MAGI1: variants seen among roughly 807,000 people sequenced by gnomAD.
MAGI1 encodes the protein membrane-associated guanylate kinase, WW and PDZ domain-containing protein 1.
In MAGI1, 58 loss-of-function variants were observed where a neutral mutation model predicts 139.9. That is an observed-to-expected ratio of 0.41 (90% CI 0.34 to 0.52). The LOEUF is 0.52. Among genes scored for constraint, MAGI1 ranks in the 20% least tolerant of loss-of-function variants. MAGI1 has a pLI of 0.12. For missense variants in MAGI1, 1,874 were observed against 1,901.6 expected, an observed-to-expected ratio of 0.99 and a Z score of 0.27; for synonymous variants, 812 against 737.9, an observed-to-expected ratio of 1.10 and a Z score of -1.63.
chr3:65,691,246 T>A (rs1371349653), intron 1 of MAGI1, among the ~76,000 whole-genome samples: 1 of 143,760 alleles, frequency 7.0e-6, no homozygotes, highest in African/African-American at 2.6e-5. Flanking sequence ...GAGGTTGCAG[T>A]GAGCCGAGAT....
chr3:65,399,589 T>C (rs539813429), intron 13 of MAGI1, among the ~76,000 whole-genome samples: 1 of 152,304 alleles, frequency 6.6e-6, no homozygotes, highest in South Asian at 2.1e-4. Flanking sequence ...ATCACTCTCT[T>C]AGCTTGTGGT....
intron 1 of MAGI1, among the ~76,000 whole-genome samples, chr3:65,723,953 AC>A (rs1245563330): frequency 7.2e-4 from 110 of 152,320 alleles, no homozygotes; most frequent in African/African-American, 2.5e-3. Flanking sequence ...TACTAGGTGT[AC>A]CTGTGAACAC....
At chr3:65,826,934 T>C (rs1231990222) in intron 1 of MAGI1, among the ~76,000 whole-genome samples, 2 of 152,206 alleles carry the variant, frequency 1.3e-5, no homozygotes, top group Admixed American at 1.3e-4. Context: ...CTCTCAGCAA[T>C]GTTCTTCAGT....
At chr3:65,986,452 G>A (rs1309603314) in intron 1 of MAGI1, among the ~76,000 whole-genome samples, 2 of 152,214 alleles carry the variant, frequency 1.3e-5, no homozygotes, top group East Asian at 1.9e-4. Flanking sequence ...ACAGAAGTAT[G>A]TAATTAAGAT....
chr3:65,447,379 T>G (rs1948741376), intron 7 of MAGI1, among the ~76,000 whole-genome samples: 1 of 152,192 alleles, frequency 6.6e-6, no homozygotes, highest in African/African-American at 2.4e-5. Flanking sequence ...CAACAATAAC[T>G]AGAGTAGTCA....
intron 1 of MAGI1, among the ~76,000 whole-genome samples, chr3:65,823,713 C>A (rs1469755154): frequency 6.6e-6 from 1 of 152,156 alleles, no homozygotes; most frequent in East Asian, 1.9e-4. Flanking sequence ...AAAATCCTAC[C>A]CAAAGCAATC....
At chr3:65,635,559 C>T (rs1463024201) in intron 1 of MAGI1, among the ~76,000 whole-genome samples, 1 of 152,188 alleles carries the variant, frequency 6.6e-6, no homozygotes, top group African/African-American at 2.4e-5. Flanking sequence ...AGAGAACACT[C>T]AGCCAAGGCA....
At chr3:65,395,819 A>G (rs906558496) in intron 13 of MAGI1, among the ~76,000 whole-genome samples, 3 of 151,766 alleles carry the variant, frequency 2.0e-5, no homozygotes, top group Admixed American at 6.6e-5. Context: ...GAATCCATTA[A>G]TGAATTTCAA....
chr3:65,481,583 A>T (rs1338079976), intron 3 of MAGI1, among the ~76,000 whole-genome samples: 1 of 152,236 alleles, frequency 6.6e-6, no homozygotes, highest in Non-Finnish European at 1.5e-5. Flanking sequence ...ATTAAGGCCA[A>T]TGTCTATAAA....
intron 1 of MAGI1, among the ~76,000 whole-genome samples, chr3:65,848,712 C>CCAGTTTGAGCCCAGTCACCTGCAGG (rs1312609677): frequency 6.6e-6 from 1 of 152,040 alleles, no homozygotes; most frequent in East Asian, 1.9e-4. Context: ...CCAGATAGGC[C>CCAGTTTGAGCCCAGTCACCTGCAGG]TGAGTTTGAG....
At chr3:65,548,885 A>C (rs1422666307) in intron 2 of MAGI1, among the ~76,000 whole-genome samples, 1 of 152,174 alleles carries the variant, frequency 6.6e-6, no homozygotes, top group Non-Finnish European at 1.5e-5. Context: ...CCAACAGTTC[A>C]TTAAGTGGCA....
rs546162178 is a variant in MAGI1 at position 65,387,483 on chromosome 3, T to C, written c.2416+3659A>G. On this transcript the variant is annotated intron_variant, in intron 14 of 22. Coordinates refer to ENST00000402939, the MANE Select transcript of MAGI1 (RefSeq NM_001033057.2). Reference sequence around the variant, plus strand: ...TAACTCCTATTACTATCTTAAACTCTCCTTATTTAATGACATTCTAAAGTA... The same window carrying C: ...TAACTCCTATTACTATCTTAAACTCCCCTTATTTAATGACATTCTAAAGTA... 5.3e-5 allele frequency among the ~76,000 whole-genome samples: 8 copies of C among 152,226 alleles called. 1 individual carries two copies. In the South Asian group the frequency reaches 1.7e-3, roughly 32 times the overall value.
chr3:65,840,446 C>G (rs978231725), intron 1 of MAGI1, among the ~76,000 whole-genome samples: 1 of 152,158 alleles, frequency 6.6e-6, no homozygotes, highest in African/African-American at 2.4e-5. Context: ...TCTATTCATA[C>G]TTTCCTGAGA....
At chr3:65,835,353 T>A (rs1400176390) in intron 1 of MAGI1, among the ~76,000 whole-genome samples, 1 of 152,212 alleles carries the variant, frequency 6.6e-6, no homozygotes, top group East Asian at 1.9e-4. Context: ...CGTTAAAAAA[T>A]TCATTATTTC....
Position 65,353,633 on chromosome 3 carries a change from C to A in MAGI1, c.*2745G>T, listed in dbSNP as rs982327729. On this transcript the variant is annotated 3_prime_UTR_variant, in exon 23 of 23. Transcript: ENST00000402939. Reference sequence around the variant, plus strand: ...ACAATTAGGGTGTTGAGTCCTCCCCCCCAACATTCTTTCAGGCATCAACTG... The same window carrying A: ...ACAATTAGGGTGTTGAGTCCTCCCCACCAACATTCTTTCAGGCATCAACTG... The A allele has an allele frequency of 6.6e-6, 1 of 152,154 alleles. No individual in the cohort carries two copies. Among genetic ancestry groups the A allele is most frequent in the Non-Finnish European group, 1.5e-5 (1 of 68,042 alleles). The allele number at this position is 152,154 out of a possible 1,614,324, so 9.4% of individuals were successfully genotyped here.
At chr3:65,771,529 C>A (rs2037953960) in intron 1 of MAGI1, among the ~76,000 whole-genome samples, 1 of 152,102 alleles carries the variant, frequency 6.6e-6, no homozygotes, top group Non-Finnish European at 1.5e-5. Flanking sequence ...AAAAGCACAA[C>A]CACAGTTTAC....
rs573364401 is a variant in MAGI1 at position 65,421,740 on chromosome 3, G to A, written c.2167+7780C>T. On this transcript the variant is annotated intron_variant, in intron 12 of 22. Transcript: ENST00000402939. ...TGCTTCCCAGCCAGGTGGAGGTCCT[G>A]TAACCCGCTTATAAACTTGATGACA... is the stretch of plus-strand genomic sequence containing the variant. Among the ~76,000 whole-genome samples the A allele has an allele frequency of 3.3e-5, 5 of 152,270 alleles. No individual in the cohort carries two copies. The East Asian group carries it at 7.7e-4, about 24-fold the overall frequency.
chr3:65,833,604 T>C (rs1242103848), intron 1 of MAGI1, among the ~76,000 whole-genome samples: 3 of 152,232 alleles, frequency 2.0e-5, no homozygotes, highest in Non-Finnish European at 4.4e-5. Flanking sequence ...ACTTACCTAT[T>C]TGTAAGTCTT....
intron 1 of MAGI1, among the ~76,000 whole-genome samples, chr3:65,899,361 T>C (rs2061121603): frequency 6.6e-6 from 1 of 152,222 alleles, no homozygotes; most frequent in Non-Finnish European, 1.5e-5. Flanking sequence ...AGGTCCATTT[T>C]CTCTTTACAA....
Sources: gnomAD v4.1 joint callset for allele counts (sites outside exome capture counted in the v4.1 genomes callset) on GRCh38, gnomAD v4.1.1 for gene constraint, MANE v1.5 for transcripts, NCBI Gene and HGNC (gene_info 2026-07-23, HGNC 2026-07-21) for gene names.